ATE1: variants seen among roughly 807,000 people sequenced by gnomAD.
ATE1 encodes the protein arginyl-tRNA--protein transferase 1.
A neutral mutation model predicts 70.5 loss-of-function variants in ATE1; 36 were observed. That is an observed-to-expected ratio of 0.51 (90% confidence interval 0.39 to 0.67). The LOEUF (loss-of-function observed/expected upper bound fraction) is 0.67, where lower values mean the gene tolerates loss of function less well. ATE1 is among the 30% of genes least tolerant of loss of function. ATE1 has a pLI of 0.00. For missense variants in ATE1, 593 were observed against 629.5 expected, an observed-to-expected ratio of 0.94 and a Z score of 0.62; for synonymous variants, 232 against 219.3, an observed-to-expected ratio of 1.06 and a Z score of -0.51.
At chr10:121,772,084 T>C (rs1428686733) in intron 11 of ATE1, among the ~76,000 whole-genome samples, 2 of 152,240 alleles carry the variant, frequency 1.3e-5, no homozygotes, top group Non-Finnish European at 2.9e-5. Flanking sequence ...AACAGAATTT[T>C]ATACTTTGTA....
At chr10:121,919,391 C>A (rs1420617384) in intron 3 of ATE1, among the ~76,000 whole-genome samples, 3 of 151,858 alleles carry the variant, frequency 2.0e-5, no homozygotes, top group African/African-American at 7.3e-5. Flanking sequence ...AAACCCATCT[C>A]TACTAAAAAT....
intron 9 of ATE1, among the ~76,000 whole-genome samples, chr10:121,839,021 C>T (rs143315803): frequency 6.6e-6 from 1 of 152,140 alleles, no homozygotes; most frequent in Admixed American, 6.6e-5. Context: ...AACCTACTTT[C>T]TCCAATTTTG....
intron 7 of ATE1, among the ~76,000 whole-genome samples, chr10:121,891,315 C>T (rs1308327827): frequency 6.6e-6 from 1 of 152,012 alleles, no homozygotes; most frequent in Admixed American, 6.6e-5. Flanking sequence ...GCAAATGTGG[C>T]CTCCACCAGG....
At position 121,824,796 on chromosome 10, in the gene ATE1, GA is replaced by G. The variant is rs542418474; in HGVS notation, c.1257+11921del. 4.4e-3 allele frequency among the ~76,000 whole-genome samples: 664 copies of G among 152,088 alleles called. 6 individuals are homozygous for G. Among genetic ancestry groups the G allele is most frequent in the African/African-American group, 0.015 (639 of 41,476 alleles). ...CAGCACTCTGAGAGATAATATGGGG[GA>G]AAAAATTTAATTATGCCTAACAACA... On this transcript the variant is annotated intron_variant, in intron 10 of 11. Transcript: ENST00000224652.
At chr10:121,748,899 T>G (rs1374358528) in intron 11 of ATE1, among the ~76,000 whole-genome samples, 2 of 152,180 alleles carry the variant, frequency 1.3e-5, no homozygotes, top group African/African-American at 4.8e-5. Flanking sequence ...GTTCAAATCC[T>G]TCAGAAGCTT....
At chr10:121,822,910 G>C (rs1947856407) in intron 10 of ATE1, among the ~76,000 whole-genome samples, 1 of 152,224 alleles carries the variant, frequency 6.6e-6, no homozygotes, top group Non-Finnish European at 1.5e-5. Flanking sequence ...ATGTTTTATA[G>C]GAGAGGCCCT....
intron 11 of ATE1, chr10:121,782,640 T>C (rs1946041870): frequency 6.6e-6 from 1 of 152,180 alleles, no homozygotes; most frequent in Admixed American, 6.5e-5. Context: ...TAATACTGAG[T>C]GTCAACTTGA....
chr10:121,810,741 C>T (rs1393679845), intron 10 of ATE1, among the ~76,000 whole-genome samples: 3 of 152,116 alleles, frequency 2.0e-5, no homozygotes, highest in African/African-American at 7.2e-5. Flanking sequence ...CTCACTGTGT[C>T]GCCCAGGCTG....
intron 10 of ATE1, among the ~76,000 whole-genome samples, chr10:121,808,254 T>G (rs996591799): frequency 6.6e-6 from 1 of 152,238 alleles, no homozygotes; most frequent in East Asian, 1.9e-4. Context: ...GGGTTTGATC[T>G]GTGACAAAGA....
chr10:121,816,256 A>G (rs772858390), intron 10 of ATE1, among the ~76,000 whole-genome samples: 12 of 152,244 alleles, frequency 7.9e-5, no homozygotes, highest in Non-Finnish European at 1.3e-4. Context: ...ATTTTATACT[A>G]TATTCTATTA....
chr10:121,816,389 G>A, intron 10 of ATE1, among the ~76,000 whole-genome samples: 1 of 152,144 alleles, frequency 6.6e-6, no homozygotes. Context: ...AAGAGGTGTG[G>A]CCTTTTGGAA....
chr10:121,899,046 A>G, intron 7 of ATE1: 10 of 1,518,174 alleles, frequency 6.6e-6, no homozygotes, highest in Non-Finnish European at 8.0e-6. Context: ...AGGCTACAGT[A>G]AGATCTCCAC....
chr10:121,778,562 A>G (rs1015028919), intron 11 of ATE1, among the ~76,000 whole-genome samples: 2 of 120,530 alleles, frequency 1.7e-5, no homozygotes, highest in Admixed American at 1.0e-4. Flanking sequence ...AGATGTGGCC[A>G]GCTTTTTTTT....
chr10:121,902,368 A>G (rs1951015102), intron 6 of ATE1, 23 bp downstream of exon 6: 2 of 1,576,624 alleles, frequency 1.3e-6, no homozygotes, highest in Admixed American at 3.7e-5. Flanking sequence ...AATAAAACAA[A>G]CAACAAAAGT....
At chr10:121,919,223 T>A (rs1478000308) in intron 3 of ATE1, among the ~76,000 whole-genome samples, 1 of 152,064 alleles carries the variant, frequency 6.6e-6, no homozygotes, top group Non-Finnish European at 1.5e-5. Context: ...TTAAGAGCTG[T>A]AACACTCACT....
At chr10:121,834,437 A>T (rs1306823642) in intron 10 of ATE1, among the ~76,000 whole-genome samples, 2 of 152,200 alleles carry the variant, frequency 1.3e-5, no homozygotes, top group Non-Finnish European at 2.9e-5. Flanking sequence ...AAATGGAATT[A>T]AACAAAAAAT....
chr10:121,901,644 C>T (rs562380683), intron 6 of ATE1, among the ~76,000 whole-genome samples: 3 of 152,002 alleles, frequency 2.0e-5, no homozygotes, highest in Non-Finnish European at 2.9e-5. Context: ...TTAGTAGAGA[C>T]GGGGTTTCAC....
chr10:121,902,366 A>G, intron 6 of ATE1, 25 bp downstream of exon 6: 1 of 1,576,172 alleles, frequency 6.3e-7, no homozygotes, highest in Non-Finnish European at 8.6e-7. Flanking sequence ...ATAATAAAAC[A>G]AACAACAAAA....
intron 7 of ATE1, among the ~76,000 whole-genome samples, chr10:121,895,924 C>T (rs200603434): frequency 7.9e-6 from 1 of 127,364 alleles, no homozygotes; most frequent in Non-Finnish European, 1.7e-5. Flanking sequence ...CTCCCCCCAC[C>T]AAAAAAAAAA....
Sources: allele counts gnomAD v4.1 joint callset (sites outside exome capture counted in the v4.1 genomes callset), GRCh38; gene constraint gnomAD v4.1.1; transcripts MANE v1.5; gene names NCBI Gene and HGNC (gene_info 2026-07-23, HGNC 2026-07-21).